The following PCDH15 variants were observed in gnomAD, a reference collection of about 807,000 sequenced individuals.
PCDH15 encodes the protein protocadherin-15.
PCDH15 carries 129 observed loss-of-function variants against 178.5 expected under a neutral mutation model. That is an observed-to-expected ratio of 0.72 (90% CI 0.63 to 0.84). The LOEUF (loss-of-function observed/expected upper bound fraction) is 0.84, where lower values mean the gene tolerates loss of function less well. Ranked by LOEUF, PCDH15 falls within the 40% of genes least tolerant of loss-of-function variation. The pLI, the probability that PCDH15 is intolerant of heterozygous loss-of-function variation, is 0.00. For missense variants in PCDH15, 2,230 were observed against 2,099.9 expected, an observed-to-expected ratio of 1.06 and a Z score of -1.21; for synonymous variants, 800 against 732.0, an observed-to-expected ratio of 1.09 and a Z score of -1.50.
At chr10:55,245,769 T>C (rs1841664878) in intron 1 of PCDH15, among the ~76,000 whole-genome samples, 1 of 152,142 alleles carries the variant, frequency 6.6e-6, no homozygotes, top group African/African-American at 2.4e-5. Context: ...CCTGGCCCCA[T>C]TGTAATATTT....
intron 16 of PCDH15, 151 bp from the exon 17 acceptor site, chr10:54,079,575 T>C (rs1349839923): frequency 1.8e-5 from 14 of 770,140 alleles, no homozygotes; most frequent in African/African-American, 5.1e-5. Context: ...CTAAGATTCA[T>C]TCTGAAAATT....
intron 3 of PCDH15, among the ~76,000 whole-genome samples, chr10:54,883,101 G>GTT (rs34355720): frequency 7.2e-5 from 11 of 151,890 alleles, no homozygotes; most frequent in South Asian, 2.1e-4. Context: ...AGAGAAAGTG[G>GTT]TTTTTCTCTG....
At chr10:54,906,481 A>C (rs774091550) in intron 2 of PCDH15, among the ~76,000 whole-genome samples, 3 of 152,168 alleles carry the variant, frequency 2.0e-5, no homozygotes, top group Non-Finnish European at 2.9e-5. Context: ...ATACAATTTG[A>C]TGATTTTAAA....
intron 37 of PCDH15, chr10:53,809,058 T>C (rs1296062253): frequency 1.2e-5 from 19 of 1,612,384 alleles, no homozygotes; most frequent in African/African-American, 5.3e-5. Context: ...CCATGGGCCT[T>C]CTTCTTGCAA....
chr10:54,957,677 C>T (rs1173571450), intron 2 of PCDH15, among the ~76,000 whole-genome samples: 1 of 151,488 alleles, frequency 6.6e-6, no homozygotes, highest in Non-Finnish European at 1.5e-5. Flanking sequence ...CCAGAAAATA[C>T]AATGATCAAA....
chr10:54,149,764 T>C (rs2044335486), intron 14 of PCDH15, among the ~76,000 whole-genome samples: 1 of 152,136 alleles, frequency 6.6e-6, no homozygotes, highest in African/African-American at 2.4e-5. Flanking sequence ...GAGAAGAGAT[T>C]GAAGAGAGCA....
chr10:55,147,871 T>C (rs1838574539), intron 2 of PCDH15, among the ~76,000 whole-genome samples: 2 of 151,580 alleles, frequency 1.3e-5, no homozygotes, highest in African/African-American at 2.4e-5. Flanking sequence ...GTTTAAGCCC[T>C]CACCTCCACT....
chr10:53,950,793 G>C (rs955677210), intron 23 of PCDH15, among the ~76,000 whole-genome samples: 7 of 151,952 alleles, frequency 4.6e-5, no homozygotes, highest in African/African-American at 1.7e-4. Context: ...ATTTCTGTAG[G>C]GTTTAAATGA....
chr10:54,803,556 C>T (rs1178523722), upstream of PCDH15, among the ~76,000 whole-genome samples: 1 of 152,082 alleles, frequency 6.6e-6, no homozygotes, highest in Non-Finnish European at 1.5e-5. Context: ...ACAAAGGCAA[C>T]ACCATGCTAT....
chr10:55,379,347 A>G (rs1837479348), intron 2 of PCDH15, among the ~76,000 whole-genome samples: 1 of 151,864 alleles, frequency 6.6e-6, no homozygotes, highest in Admixed American at 6.6e-5. Flanking sequence ...TATGGGTAAG[A>G]AAATAATTAT....
chr10:54,925,179 A>G (rs1324149203), intron 2 of PCDH15, among the ~76,000 whole-genome samples: 1 of 152,166 alleles, frequency 6.6e-6, no homozygotes, highest in East Asian at 1.9e-4. Context: ...CATTTATCAC[A>G]GCATCATTTA....
At chr10:54,819,388 T>C (rs1410708655) in intron 3 of PCDH15, among the ~76,000 whole-genome samples, 1 of 152,098 alleles carries the variant, frequency 6.6e-6, no homozygotes, top group African/African-American at 2.4e-5. Flanking sequence ...CTGAAATTAC[T>C]TTTTCTGTTT....
chr10:53,848,915 G>T, intron 28 of PCDH15, among the ~76,000 whole-genome samples: 1 of 151,820 alleles, frequency 6.6e-6, no homozygotes, highest in African/African-American at 2.4e-5. Flanking sequence ...ATTTATCTTT[G>T]ATTTAAAACT....
intron 3 of PCDH15, among the ~76,000 whole-genome samples, chr10:54,822,880 T>C (rs774754154): frequency 4.6e-5 from 7 of 151,652 alleles, no homozygotes; most frequent in Admixed American, 1.3e-4. Flanking sequence ...TAATATAATA[T>C]ATTTATTTAT....
At chr10:54,270,471 G>A (rs549405371) in intron 8 of PCDH15, among the ~76,000 whole-genome samples, 3 of 152,102 alleles carry the variant, frequency 2.0e-5, no homozygotes, top group Non-Finnish European at 4.4e-5. Context: ...ATAGCCCTGG[G>A]AATTCATTGA....
rs145428726 is a variant in PCDH15, at chr10:53,824,213, T to C, written c.4367+3180A>G. On this transcript the variant is annotated intron_variant, in intron 32 of 37. Transcript: ENST00000644397. ...TGCACGGAAACTGAATCATAGGTAG[T>C]TGTGAGTCATAAATAAAGTTGCATA... Among the ~76,000 whole-genome samples the C allele has an allele frequency of 6.7e-3, 1,025 of 152,184 alleles. 9 individuals carry two copies. Among genetic ancestry groups the C allele is most frequent in the Middle Eastern group, 0.017 (5 of 294 alleles).
chr10:54,004,043 A>T (rs981082753), intron 20 of PCDH15, among the ~76,000 whole-genome samples: 1 of 152,264 alleles, frequency 6.6e-6, no homozygotes, highest in Non-Finnish European at 1.5e-5. Context: ...AAACCATATG[A>T]TCATTTCAAT....
intron 25 of PCDH15, among the ~76,000 whole-genome samples, chr10:53,925,373 G>C (rs984427281): frequency 6.6e-6 from 1 of 152,164 alleles, no homozygotes; most frequent in Non-Finnish European, 1.5e-5. Context: ...CCTGAAGCCA[G>C]CGGGACCACG....
intron 2 of PCDH15, among the ~76,000 whole-genome samples, chr10:55,533,197 A>G (rs1001429447): frequency 6.6e-6 from 1 of 152,020 alleles, no homozygotes; most frequent in African/African-American, 2.4e-5. Context: ...TTACACTCCT[A>G]TTTAGCATAG....
Sources: gnomAD v4.1 joint callset for allele counts (sites outside exome capture counted in the v4.1 genomes callset) on GRCh38, gnomAD v4.1.1 for gene constraint, MANE v1.5 for transcripts, NCBI Gene and HGNC (gene_info 2026-07-23, HGNC 2026-07-21) for gene names.